CCDC186: variants seen among roughly 807,000 people sequenced by gnomAD.
CCDC186 encodes the protein coiled-coil domain-containing protein 186.
A neutral mutation model predicts 113.7 loss-of-function variants in CCDC186; 49 were observed. The observed-to-expected ratio is 0.43, with a 90% CI of 0.34 to 0.55. The LOEUF (loss-of-function observed/expected upper bound fraction) is 0.55. CCDC186 is among the 20% of genes least tolerant of loss of function. CCDC186 has a pLI of 0.02. For synonymous variants in CCDC186, 355 were observed against 345.8 expected (o/e 1.03, Z -0.30); for missense variants, 890 against 1,011.1 (o/e 0.88, Z 1.62).
intron 14 of CCDC186, among the ~76,000 whole-genome samples, chr10:114,126,613 C>T (rs1291993157): frequency 6.6e-6 from 1 of 152,146 alleles, no homozygotes; most frequent in African/African-American, 2.4e-5. Context: ...CTCCGGCCTC[C>T]CAAAGTGCTG....
chr10:114,131,877 T>A lies in CCDC186; in HGVS notation c.1911+52A>T. The A allele has an allele frequency of 1.1e-5, 16 of 1,485,474 alleles. No homozygotes were observed. The South Asian group carries it at 2.0e-4, about 18-fold the overall frequency. The allele number at this position is 1,485,474 out of a possible 1,614,324, so 92.0% of individuals were successfully genotyped here. ...TATTACTTTTATACTGTTAGGGAAATTTAATTTGTGCTTGTTACGTTGTTT... is the reference window on the plus strand; with the variant it reads ...TATTACTTTTATACTGTTAGGGAAAATTAATTTGTGCTTGTTACGTTGTTT... On this transcript the variant is annotated intron_variant, in intron 11 of 15. Coordinates refer to ENST00000369287, the MANE Select transcript of CCDC186 (RefSeq NM_018017.4).
chr10:114,168,440 A>G (rs2032396795), intron 1 of CCDC186, among the ~76,000 whole-genome samples: 1 of 152,204 alleles, frequency 6.6e-6, no homozygotes, highest in Non-Finnish European at 1.5e-5. Flanking sequence ...AACAACAAAA[A>G]ATTTAGGTTT....
At chr10:114,158,883 G>T (rs927280080) in intron 2 of CCDC186, among the ~76,000 whole-genome samples, 2 of 152,128 alleles carry the variant, frequency 1.3e-5, no homozygotes, top group South Asian at 4.1e-4. Context: ...TACTTACTCA[G>T]CATCTATTTT....
In CCDC186 at chr10:114,151,101, C is replaced by T; in HGVS notation, c.879G>A (p.Arg293=). The change falls in exon 4 of 16, where the codon CGG becomes CGA. Residue 293 remains arginine (R), a synonymous_variant. Transcript: ENST00000369287. ...VQQLHKEMAQ[R]MEQANKKCEE... ...ACGATGTGAGAAATACCTGTTCCAT[C>T]CGTTGGGCCATCTCTTTGTGTAACT... 2 of 1,612,866 alleles carry T rather than the reference C, an allele frequency of 1.2e-6. No homozygotes were observed. The highest frequency in any genetic ancestry group is 8.5e-7 in the Non-Finnish European group (1 of 1,179,620).
rs190504705 is a variant in CCDC186, at chr10:114,151,369, A to G, written c.760-149T>C. ...AATAAAAACTTTTAGCAATGTTTCTATATCTCACTGTCATTTAGTAAAAAT... is the reference window on the plus strand; with the variant it reads ...AATAAAAACTTTTAGCAATGTTTCTGTATCTCACTGTCATTTAGTAAAAAT... On this transcript the variant is annotated intron_variant, in intron 3 of 15. Coordinates refer to ENST00000369287, the MANE Select transcript of CCDC186 (RefSeq NM_018017.4). The G allele has an allele frequency of 1.7e-5, 11 of 653,998 alleles. No homozygotes were observed. The East Asian group carries it at 3.3e-4, about 19-fold the overall frequency. 40.5% of individuals were successfully genotyped at this position (653,998 alleles called of 1,614,324 possible).
chr10:114,173,759 T>C (rs141361907), intron 1 of CCDC186, among the ~76,000 whole-genome samples: 15 of 152,074 alleles, frequency 9.9e-5, no homozygotes, highest in Admixed American at 2.0e-4. Flanking sequence ...CGCTGACCCC[T>C]CTTTGCCACC....
intron 1 of CCDC186, among the ~76,000 whole-genome samples, chr10:114,171,314 T>C (rs1342329950): frequency 7.2e-5 from 11 of 151,804 alleles, no homozygotes; most frequent in African/African-American, 2.7e-4. Context: ...GATGGGAGGA[T>C]CAAATGAGGC....
At chr10:114,158,594 T>C (rs1338589839) in intron 2 of CCDC186, among the ~76,000 whole-genome samples, 3 of 150,742 alleles carry the variant, frequency 2.0e-5, no homozygotes, top group Non-Finnish European at 4.4e-5. Context: ...TTAGGCATGA[T>C]GGCTCATGCC....
chr10:114,147,560 G>A (rs1042172419), intron 4 of CCDC186, among the ~76,000 whole-genome samples: 2 of 152,158 alleles, frequency 1.3e-5, no homozygotes, highest in African/African-American at 2.4e-5. Context: ...CTTAAATTTG[G>A]TGTGTTGGCT....
At chr10:114,139,369 C>T (rs1472304309) in intron 6 of CCDC186, among the ~76,000 whole-genome samples, 3 of 151,942 alleles carry the variant, frequency 2.0e-5, no homozygotes, top group Non-Finnish European at 4.4e-5. Context: ...TGAAGACCAA[C>T]CCTGCCAACA....
Position 114,122,688 on chromosome 10 carries a change from C to T in CCDC186, c.*2455G>A, listed in dbSNP as rs1467459201. The T allele has an allele frequency of 6.6e-6, 1 of 152,186 alleles. No individual in the cohort carries two copies. Among genetic ancestry groups the T allele is most frequent in the Non-Finnish European group, 1.5e-5 (1 of 68,026 alleles). 9.4% of individuals were successfully genotyped at this position (152,186 alleles called of 1,614,324 possible). A position where few individuals can be genotyped will look rare whatever the true frequency, so the allele number is the denominator to read the frequency against. On this transcript the variant is annotated 3_prime_UTR_variant, in exon 16 of 16. Transcript: ENST00000369287. The stretch of plus-strand genomic sequence containing the variant: ...GGGCAGAAGGCCCTCTAAATCCTTA[C>T]ATCAGGAGCTGTCTGTGAATTAGTA...
At chr10:114,150,969 T>A in intron 4 of CCDC186, 123 bp downstream of exon 4, 2 of 1,166,832 alleles carry the variant, frequency 1.7e-6, no homozygotes. Flanking sequence ...TACTTTTATA[T>A]AAAAGAATCA....
intron 2 of CCDC186, chr10:114,162,327 C>T: frequency 7.4e-6 from 1 of 134,420 alleles, no homozygotes; most frequent in East Asian, 1.7e-4. Context: ...TTGTTATTTC[C>T]TTTTGAGTTT....
chr10:114,138,036 T>C (rs1390455256), intron 6 of CCDC186, among the ~76,000 whole-genome samples: 1 of 35,662 alleles, frequency 2.8e-5, no homozygotes, highest in African/African-American at 1.0e-4. Context: ...AAACTCGGTC[T>C]CAAAAAAAAA....
chr10:114,172,477 ACCAG>A (rs2032521953), intron 1 of CCDC186, among the ~76,000 whole-genome samples: 1 of 152,250 alleles, frequency 6.6e-6, no homozygotes, highest in Non-Finnish European at 1.5e-5. Context: ...TGTGATACAC[ACCAG>A]CCAACCCTTT....
chr10:114,167,421 G>C (rs561774617), intron 1 of CCDC186, among the ~76,000 whole-genome samples: 4 of 152,206 alleles, frequency 2.6e-5, no homozygotes, highest in South Asian at 2.1e-4. Context: ...GTAGCAGATG[G>C]GGAGAAAAAG....
rs1218580497 is a variant in CCDC186, at chr10:114,144,535, C to T, written c.1183G>A (p.Ala395Thr). 4 of 1,613,146 alleles carry T rather than the reference C, an allele frequency of 2.5e-6. No homozygotes were observed. The highest frequency in any genetic ancestry group is 2.2e-5 in the South Asian group (2 of 91,022). Residue 395 changes from alanine (A) to threonine (T), a missense_variant, in exon 6 of 16, where the codon GCA (alanine) becomes ACA (threonine). By Grantham distance (58) the Ala-to-Thr change is moderately conservative. Coordinates refer to ENST00000369287, the MANE Select transcript of CCDC186 (RefSeq NM_018017.4). Reference sequence around the variant, plus strand: ...ATTTCAGCTTTTAATTTGTTTTGTGCCCACTTTACTTTGATGACGTGAGAG... The same window carrying T: ...ATTTCAGCTTTTAATTTGTTTTGTGTCCACTTTACTTTGATGACGTGAGAG... ...INSHVIKVKW[A>T]QNKLKAEMDS...
intron 13 of CCDC186, 102 bp from the exon 14 acceptor site, chr10:114,127,773 C>A (rs1475022479): frequency 9.4e-7 from 1 of 1,067,762 alleles, no homozygotes; most frequent in South Asian, 1.6e-5. Flanking sequence ...TTCACTCTAA[C>A]AGAGTTGGAC....
intron 6 of CCDC186, among the ~76,000 whole-genome samples, chr10:114,137,682 A>G (rs889961771): frequency 6.6e-6 from 1 of 151,840 alleles, no homozygotes; most frequent in African/African-American, 2.4e-5. Flanking sequence ...GCGGGTGGAT[A>G]ACCTAAGATC....
Sources: allele counts gnomAD v4.1 joint callset (sites outside exome capture counted in the v4.1 genomes callset), GRCh38; gene constraint gnomAD v4.1.1; transcripts MANE v1.5; gene names NCBI Gene and HGNC (gene_info 2026-07-23, HGNC 2026-07-21).